TM2D2: variants seen among roughly 807,000 people sequenced by gnomAD.
TM2D2 encodes the protein TM2 domain-containing protein 2.
In TM2D2, 19 loss-of-function variants were observed where a neutral mutation model predicts 23.0. That is an observed-to-expected ratio of 0.82 (90% CI 0.58 to 1.21). The LOEUF is 1.21. Among genes scored for constraint, TM2D2 ranks in the 50% most tolerant of loss-of-function variants. The pLI, the probability that TM2D2 is intolerant of heterozygous loss-of-function variation, is 0.00. For missense variants in TM2D2, 246 were observed against 265.4 expected (o/e 0.93, Z 0.51); for synonymous variants, 120 against 108.8 (o/e 1.10, Z -0.64).
At position 38,991,526 on chromosome 8, in the gene TM2D2, T is replaced by C. The variant is rs552227296; in HGVS notation, c.451A>G (p.Ile151Val). ...AAGAAGGAGTAGAGTAAAGTGGTTA[T>C]GAAGTAGTGTCCGGTATACCTAGGT... The part of the protein sequence containing the change: ...PCIKYTGHYF[I>V]TTLLYSFFLG... The change falls in exon 4 of 4, where the codon ATA becomes GTA. Residue 151 changes from isoleucine to valine, a missense_variant. Transcript: ENST00000456397. 5 of 1,613,812 alleles carry C rather than the reference T, an allele frequency of 3.1e-6. No homozygotes were observed. The East Asian group carries it at 1.1e-4, about 36-fold the overall frequency.
At chr8:38,996,589 G>A (rs529153861), upstream of TM2D2, 355 of 1,458,722 alleles carry the variant, frequency 2.4e-4, 1 homozygote, top group South Asian at 4.7e-3. Context: ...GACGCTCCGC[G>A]CACCTCCGCC....
At chr8:38,996,711 C>T (rs1446602739), upstream of TM2D2, 2 of 1,421,650 alleles carry the variant, frequency 1.4e-6, no homozygotes, top group Non-Finnish European at 1.8e-6. Context: ...CGAATGCGTT[C>T]TCCAATCGGA....
chr8:38,995,293 C>T (rs1835727077), intron 2 of TM2D2, 25 bp downstream of exon 2: 1 of 1,510,170 alleles, frequency 6.6e-7, no homozygotes. Context: ...GAAGGGTTTG[C>T]TCTTACGACA....
At position 38,990,932 on chromosome 8, in the gene TM2D2, A is replaced by T. The variant is rs1237825492; in HGVS notation, c.*400T>A. The T allele has an allele frequency of 5.1e-6, 1 of 197,158 alleles. No homozygotes were observed. Among genetic ancestry groups the T allele is most frequent in the African/African-American group, 2.4e-5 (1 of 42,404 alleles). 12.2% of individuals were successfully genotyped at this position (197,158 alleles called of 1,614,324 possible). On this transcript the variant is annotated 3_prime_UTR_variant, in exon 4 of 4. Coordinates refer to ENST00000456397, the MANE Select transcript of TM2D2 (RefSeq NM_078473.3). Reference sequence around the variant, plus strand: ...TTCAGCTTCAGATCTCCTTGCATGAAGACTCAGGGTCACAAGAGGAACATG... The same window carrying T: ...TTCAGCTTCAGATCTCCTTGCATGATGACTCAGGGTCACAAGAGGAACATG...
Position 38,995,425 on chromosome 8 carries a change from T to G in TM2D2, c.228-20A>C. 1.2e-6 allele frequency: 2 copies of G among 1,612,264 alleles called. No homozygotes were observed. The highest frequency in any genetic ancestry group is 2.2e-5 in the East Asian group (1 of 44,558). On this transcript the variant is annotated intron_variant, in intron 1 of 3. Coordinates refer to ENST00000456397, the MANE Select transcript of TM2D2 (RefSeq NM_078473.3). ...TCAGGTCTGTAATTCACCAGTAAGA[T>G]CATGATCATCATCATACGGTCTTTG...
intron 3 of TM2D2, among the ~76,000 whole-genome samples, chr8:38,993,084 T>C (rs1284164719): frequency 1.3e-5 from 2 of 152,202 alleles, no homozygotes; most frequent in Non-Finnish European, 2.9e-5. Flanking sequence ...TGTAGGAATT[T>C]TGGGGCTAGA....
upstream of TM2D2, chr8:38,996,921 CGCGCGTGCTCGTCGG>C (rs1221322038): frequency 7.2e-7 from 1 of 1,394,220 alleles, no homozygotes; most frequent in African/African-American, 1.6e-5. Flanking sequence ...GTCAGTGCCG[CGCGCGTGCTCGTCGG>C]GCGCGCGTGC....
At chr8:38,996,634 C>T (rs1044675240), upstream of TM2D2, 1 of 1,433,474 alleles carries the variant, frequency 7.0e-7, no homozygotes, top group Admixed American at 2.9e-5. Context: ...ACGGGCGGGG[C>T]TACTCCGCCC....
chr8:38,996,155 AC>A, intron 1 of TM2D2, 57 bp downstream of exon 1: 2 of 1,563,210 alleles, frequency 1.3e-6, no homozygotes, highest in Non-Finnish European at 1.7e-6. Context: ...TTCCCTTAAC[AC>A]CCATATATTC....
chr8:38,990,358 T>C lies in TM2D2; in HGVS notation c.*974A>G, dbSNP rs182315801. 2 of 152,342 alleles carry C rather than the reference T, an allele frequency of 1.3e-5. No individual in the cohort carries two copies. The highest frequency in any genetic ancestry group is 2.9e-5 in the Non-Finnish European group (2 of 68,030). The allele number at this position is 152,342 out of a possible 1,614,324, so 9.4% of individuals were successfully genotyped here. On this transcript the variant is annotated 3_prime_UTR_variant, in exon 4 of 4. Transcript: ENST00000456397. ...CTTTGATTTTATATTTAATAGTTCT[T>C]TCAACTTAGATTGCAAACGATGAGA...
chr8:38,995,735 G>A, intron 1 of TM2D2: 4 of 1,284,384 alleles, frequency 3.1e-6, no homozygotes, highest in Non-Finnish European at 3.9e-6. Context: ...AGTCCTCTTT[G>A]CATTTCCCAA....
rs767995434 is a variant in TM2D2 at position 38,991,311 on chromosome 8, G to A, written c.*21C>T. 2 of 1,605,804 alleles carry A rather than the reference G, an allele frequency of 1.2e-6. No homozygotes were observed. Among genetic ancestry groups the A allele is most frequent in the Non-Finnish European group, 1.7e-6 (2 of 1,173,990 alleles). On this transcript the variant is annotated 3_prime_UTR_variant, in exon 4 of 4. Transcript: ENST00000456397. ...AGACGGAGCTTTCACCCGCCTCCCT[G>A]GGCCATGATGGCAGCTCTTCTTAGT... is the stretch of plus-strand genomic sequence containing the variant.
Position 38,990,077 on chromosome 8 carries a change from C to G in TM2D2, c.*1255G>C, listed in dbSNP as rs112565908. The G allele has an allele frequency of 3.3e-5, 5 of 152,290 alleles. 1 individual carries two copies. The highest frequency in any genetic ancestry group is 1.2e-4 in the African/African-American group (5 of 41,562). The allele number at this position is 152,290 out of a possible 1,614,324, so 9.4% of individuals were successfully genotyped here. A position where few individuals can be genotyped will look rare whatever the true frequency, so the allele number is the denominator to read the frequency against. On this transcript the variant is annotated 3_prime_UTR_variant, in exon 4 of 4. Coordinates refer to ENST00000456397, the MANE Select transcript of TM2D2 (RefSeq NM_078473.3). ...CAGAACTTTCAAGACAGAATAGGAT[C>G]ATCTGTTTTAAATTTTTTACAGAAA...
Position 38,996,477 on chromosome 8 carries a change from C to T in TM2D2, c.-38G>A. On this transcript the variant is annotated 5_prime_UTR_variant, in exon 1 of 4. It adds an upstream start codon to the 5' untranslated region. Transcript: ENST00000456397. ...AGGAGCGGAGACCCGGCCTCAACCA[C>T]AACCCCAGGCCAGCAGCACAGACCC... 6.2e-7 allele frequency: 1 copy of T among 1,612,254 alleles called. No individual in the cohort carries two copies. The highest frequency in any genetic ancestry group is 8.5e-7 in the Non-Finnish European group (1 of 1,179,036).
rs1434194456 is a variant in TM2D2 at position 38,990,464 on chromosome 8, ATCTCTT to A, written c.*862_*867del. 6.6e-6 allele frequency: 1 copy of A among 152,236 alleles called. No homozygotes were observed. The highest frequency in any genetic ancestry group is 2.4e-5 in the African/African-American group (1 of 41,460). 9.4% of individuals were successfully genotyped at this position (152,236 alleles called of 1,614,324 possible). A position where few individuals can be genotyped will look rare whatever the true frequency, so the allele number is the denominator to read the frequency against. On this transcript the variant is annotated 3_prime_UTR_variant, in exon 4 of 4. Transcript: ENST00000456397. Reference sequence around the variant, plus strand: ...CGGGGAATGCAGAGGTGTGGCTGTTATCTCTTTCTGACTGCTGCAGCCCACAGGGAG... The same window carrying A: ...CGGGGAATGCAGAGGTGTGGCTGTTATCTGACTGCTGCAGCCCACAGGGAG...
chr8:38,995,488 A>G (rs1213570735), intron 1 of TM2D2, 83 bp from the exon 2 acceptor site: 2 of 1,587,152 alleles, frequency 1.3e-6, no homozygotes, highest in Non-Finnish European at 1.7e-6. Context: ...AAAACGGGCA[A>G]AAGACATTTC....
At position 38,991,099 on chromosome 8, in the gene TM2D2, G is replaced by C. The variant is rs1483459216; in HGVS notation, c.*233C>G. ...ACTATCCTTTATGTTTTGTGCATGA[G>C]GAAAGGAACAAATTTGATTCCCCAC... On this transcript the variant is annotated 3_prime_UTR_variant, in exon 4 of 4. Coordinates refer to ENST00000456397, the MANE Select transcript of TM2D2 (RefSeq NM_078473.3). 22 of 571,252 alleles carry C rather than the reference G, an allele frequency of 3.9e-5. No homozygotes were observed. Among genetic ancestry groups the C allele is most frequent in the Non-Finnish European group, 6.8e-5 (22 of 321,476 alleles). The allele number at this position is 571,252 out of a possible 1,614,324, so 35.4% of individuals were successfully genotyped here.
At chr8:38,992,718 T>C (rs530665249) in intron 3 of TM2D2, among the ~76,000 whole-genome samples, 1 of 152,300 alleles carries the variant, frequency 6.6e-6, no homozygotes, top group South Asian at 2.1e-4. Context: ...CATCCTCCTC[T>C]GTAGAGGCTC....
chr8:38,996,698 C>T, upstream of TM2D2: 3 of 1,421,532 alleles, frequency 2.1e-6, no homozygotes, highest in South Asian at 1.5e-5. Flanking sequence ...CCTTCTTTTG[C>T]GCCGAATGCG....
Sources: gnomAD v4.1 joint callset for allele counts (sites outside exome capture counted in the v4.1 genomes callset) on GRCh38, gnomAD v4.1.1 for gene constraint, MANE v1.5 for transcripts, NCBI Gene and HGNC (gene_info 2026-07-23, HGNC 2026-07-21) for gene names.